The following ZNF385D variants were observed in gnomAD, a reference collection of about 807,000 sequenced individuals.
The protein encoded by ZNF385D is zinc finger protein 385D.
ZNF385D carries 15 observed loss-of-function variants against 35.8 expected under a neutral mutation model. The observed-to-expected ratio is 0.42, with a 90% confidence interval of 0.28 to 0.64. The LOEUF is 0.64. ZNF385D is among the 30% of genes least tolerant of loss of function. The probability of loss-of-function intolerance (pLI) is 0.23; values close to 1 mark genes in which losing one functional copy is unlikely to be tolerated. For missense variants in ZNF385D, 474 were observed against 494.6 expected (o/e 0.96, Z 0.39); for synonymous variants, 212 against 186.8 (o/e 1.13, Z -1.10).
rs2065752322 is a variant in ZNF385D at position 21,646,339 on chromosome 3, C to T, written c.165+18547G>A. On this transcript the variant is annotated intron_variant, in intron 2 of 7. Coordinates refer to ENST00000281523, the MANE Select transcript of ZNF385D (RefSeq NM_024697.3). This position sits in a 1 kb window ranked among gnomAD's most constrained non-coding sequence, Gnocchi z 4.3. ...TGTACATCTCACAGTAATCTACAGA[C>T]AGCTTACAACAGTGCTGCACACGAT... Among the ~76,000 whole-genome samples the T allele has an allele frequency of 6.6e-6, 1 of 152,168 alleles. No homozygotes were observed. Among genetic ancestry groups the T allele is most frequent in the Non-Finnish European group, 1.5e-5 (1 of 68,028 alleles).
chr3:21,562,198 T>C (rs992331275), intron 3 of ZNF385D: 2 of 152,176 alleles, frequency 1.3e-5, no homozygotes, highest in Non-Finnish European at 2.9e-5. Flanking sequence ...ATTGCTACTC[T>C]CTCACCATGG....
rs566834664 is a variant in ZNF385D at position 21,989,106 on chromosome 3, C to T, written c.325+179711G>A. Among the ~76,000 whole-genome samples the T allele has an allele frequency of 1.3e-4, 20 of 152,272 alleles. No individual in the cohort carries two copies. The South Asian group carries it at 4.1e-3, about 32-fold the overall frequency. Reference sequence around the variant, plus strand: ...ACCTCAGATGGAAATGCAGAAATCACCCGTCTTCTGCGTCGCTCACGCTGG... The same window carrying T: ...ACCTCAGATGGAAATGCAGAAATCATCCGTCTTCTGCGTCGCTCACGCTGG... On this transcript the variant is annotated intron_variant, in intron 3 of 5. Coordinates refer to the ZNF385D transcript ENST00000494108.
chr3:21,509,053 C>T (rs1007738020), intron 4 of ZNF385D, among the ~76,000 whole-genome samples: 2 of 151,552 alleles, frequency 1.3e-5, no homozygotes, highest in African/African-American at 4.8e-5. Flanking sequence ...TCTCGGCTCA[C>T]AGCAAGCTCC....
At chr3:21,813,429 A>G (rs988852825) in intron 3 of ZNF385D, among the ~76,000 whole-genome samples, 4 of 152,208 alleles carry the variant, frequency 2.6e-5, no homozygotes, top group Non-Finnish European at 5.9e-5. Flanking sequence ...GTCTGAACCC[A>G]TCGCAAAGAA....
At chr3:22,134,164 T>C (rs937106244) in intron 3 of ZNF385D, among the ~76,000 whole-genome samples, 16 of 152,030 alleles carry the variant, frequency 1.1e-4, no homozygotes, top group African/African-American at 3.1e-4. Flanking sequence ...CTAACAACTA[T>C]ATATTATCAA....
At chr3:22,190,101 T>A (rs924362201) in intron 2 of ZNF385D, among the ~76,000 whole-genome samples, 1 of 152,180 alleles carries the variant, frequency 6.6e-6, no homozygotes, top group Non-Finnish European at 1.5e-5. Flanking sequence ...AAAACAGTAT[T>A]CTTGGTAAGT....
chr3:21,698,916 T>C (rs1252517974), intron 1 of ZNF385D, among the ~76,000 whole-genome samples: 1 of 152,122 alleles, frequency 6.6e-6, no homozygotes, highest in African/African-American at 2.4e-5. Context: ...GTTCAACCAC[T>C]GTGGAAGACG....
intron 2 of ZNF385D, among the ~76,000 whole-genome samples, chr3:22,338,179 G>C (rs770420876): frequency 6.6e-6 from 1 of 152,148 alleles, no homozygotes; most frequent in Non-Finnish European, 1.5e-5. Flanking sequence ...ACCTGCAATA[G>C]ATCTCTTTTA....
intron 3 of ZNF385D, among the ~76,000 whole-genome samples, chr3:21,883,106 T>A (rs147851481): frequency 6.6e-6 from 1 of 151,906 alleles, no homozygotes; most frequent in African/African-American, 2.4e-5. Context: ...ACAACACATA[T>A]CATCTTATGG....
chr3:22,368,245 T>C (rs1696744131), intron 2 of ZNF385D, among the ~76,000 whole-genome samples: 1 of 152,204 alleles, frequency 6.6e-6, no homozygotes, highest in African/African-American at 2.4e-5. Context: ...TAGTATACTC[T>C]ACTGGTTTAT....
At chr3:22,111,585 T>C (rs1702539502) in intron 3 of ZNF385D, among the ~76,000 whole-genome samples, 1 of 152,122 alleles carries the variant, frequency 6.6e-6, no homozygotes, top group Admixed American at 6.6e-5. Context: ...ATCTTGGCAT[T>C]TTGTTCAACC....
chr3:21,646,486 C>A lies in ZNF385D; in HGVS notation c.165+18400G>T, dbSNP rs1000837028. Among the ~76,000 whole-genome samples the A allele has an allele frequency of 2.0e-5, 3 of 152,144 alleles. No individual in the cohort carries two copies. The highest frequency in any genetic ancestry group is 7.2e-5 in the African/African-American group (3 of 41,438). ...TACCTTCAAAGGTAAGCTACAAATT[C>A]AAAAACTAATAACCACAGACTATTT... is the stretch of plus-strand genomic sequence containing the variant. On this transcript the variant is annotated intron_variant, in intron 2 of 7. Transcript: ENST00000281523. The surrounding 1 kb of genome is among the most constrained non-coding windows in gnomAD (Gnocchi z 4.3).
intron 2 of ZNF385D, among the ~76,000 whole-genome samples, chr3:21,597,987 AAAG>A (rs1265322751): frequency 2.0e-5 from 3 of 152,198 alleles, no homozygotes; most frequent in Non-Finnish European, 4.4e-5. Context: ...TTGAGATTAC[AAAG>A]AAGAAGTATT....
At chr3:21,543,772 G>T (rs964182722) in intron 3 of ZNF385D, among the ~76,000 whole-genome samples, 1 of 152,052 alleles carries the variant, frequency 6.6e-6, no homozygotes, top group Non-Finnish European at 1.5e-5. Context: ...TTGTATTAAG[G>T]TAGGCCCCCC....
chr3:21,869,828 C>A (rs1006443880), intron 3 of ZNF385D, among the ~76,000 whole-genome samples: 2 of 152,026 alleles, frequency 1.3e-5, no homozygotes, highest in African/African-American at 4.8e-5. Context: ...AAGCTTCTTG[C>A]AAAAGTGGTA....
chr3:22,125,618 T>A (rs1013284947), intron 3 of ZNF385D, among the ~76,000 whole-genome samples: 1 of 152,140 alleles, frequency 6.6e-6, no homozygotes, highest in Non-Finnish European at 1.5e-5. Flanking sequence ...CAACGTTTTA[T>A]AGTTTTCTTG....
At chr3:22,225,655 T>C (rs369974118) in intron 2 of ZNF385D, among the ~76,000 whole-genome samples, 3 of 152,158 alleles carry the variant, frequency 2.0e-5, no homozygotes, top group South Asian at 4.1e-4. Flanking sequence ...TGTCTTTCCT[T>C]CCCTGTCTCA....
At chr3:21,870,497 A>G (rs1269213853) in intron 3 of ZNF385D, among the ~76,000 whole-genome samples, 11 of 152,182 alleles carry the variant, frequency 7.2e-5, no homozygotes, top group Admixed American at 1.3e-4. Flanking sequence ...CGTAAACGTG[A>G]TTCATGTAAG....
At chr3:22,005,150 A>C (rs1281723535) in intron 3 of ZNF385D, among the ~76,000 whole-genome samples, 1 of 152,014 alleles carries the variant, frequency 6.6e-6, no homozygotes, top group Non-Finnish European at 1.5e-5. Flanking sequence ...TCTCAAAAGA[A>C]GACATACAAA....
Sources: gnomAD v4.1 joint callset for allele counts (sites outside exome capture counted in the v4.1 genomes callset) on GRCh38, gnomAD v4.1.1 for gene constraint, Gnocchi (gnomAD v3.1) non-coding constraint, MANE v1.5 for transcripts, NCBI Gene and HGNC (gene_info 2026-07-23, HGNC 2026-07-21) for gene names.